The following RERG variants were observed in gnomAD, a reference collection of about 807,000 sequenced individuals.
RERG encodes RAS like estrogen regulated growth inhibitor, also known as ras-related and estrogen-regulated growth inhibitor.
A neutral mutation model predicts 23.2 loss-of-function variants in RERG; 25 were observed. The observed-to-expected ratio is 1.08, with a 90% CI of 0.79 to 1.50. RERG has a LOEUF of 1.50. Among genes scored for constraint, RERG ranks in the 40% most tolerant of loss-of-function variants. The pLI is 0.00. For missense variants in RERG, 253 were observed against 250.1 expected (o/e 1.01, Z -0.08); for synonymous variants, 81 against 89.1 (o/e 0.91, Z 0.51).
intron 2 of RERG, among the ~76,000 whole-genome samples, chr12:15,206,742 C>T (rs994397006): frequency 7.9e-5 from 12 of 152,072 alleles, no homozygotes; most frequent in African/African-American, 2.9e-4. Flanking sequence ...AGCAGCAGTG[C>T]TAAATCACAT....
chr12:15,218,196 G>C (rs903160115), intron 1 of RERG: 2 of 152,206 alleles, frequency 1.3e-5, no homozygotes, highest in Admixed American at 1.3e-4. Flanking sequence ...TATTTTGCTG[G>C]ACACAATGCC....
At chr12:15,110,686 G>C (rs1002701143) in intron 4 of RERG, among the ~76,000 whole-genome samples, 1 of 151,774 alleles carries the variant, frequency 6.6e-6, no homozygotes, top group African/African-American at 2.4e-5. Flanking sequence ...CACCATGTTA[G>C]CCAGGATGGT....
At chr12:15,187,970 G>A (rs1417633027) in intron 2 of RERG, among the ~76,000 whole-genome samples, 1 of 152,068 alleles carries the variant, frequency 6.6e-6, no homozygotes, top group Non-Finnish European at 1.5e-5. Context: ...AACATAGGAG[G>A]ACATGGAGAA....
At position 15,161,224 on chromosome 12, in the gene RERG, A is replaced by AAGAAAGAG. The variant is rs1262615056; in HGVS notation, c.62-40106_62-40105insCTCTTTCT. ...AAAGAAAGAAAGAAAGAAAGAAAGA[A>AAGAAAGAG]AGAAACAGGGGCATCACTTAGTGTT... On this transcript the variant is annotated intron_variant, in intron 2 of 4. Transcript: ENST00000256953. Among the ~76,000 whole-genome samples the AAGAAAGAG allele has an allele frequency of 3.2e-5, 4 of 123,124 alleles. 1 individual carries two copies. The South Asian group carries it at 7.7e-4, about 24-fold the overall frequency. 80.8% of individuals were successfully genotyped at this position (123,124 alleles called of 152,430 possible).
intron 2 of RERG, among the ~76,000 whole-genome samples, chr12:15,173,946 A>G (rs1864810999): frequency 1.3e-5 from 2 of 151,960 alleles, no homozygotes; most frequent in Admixed American, 6.6e-5. Context: ...GATACCTTTT[A>G]TTTAAAAATA....
At chr12:15,124,227 G>A (rs1417425745) in intron 2 of RERG, among the ~76,000 whole-genome samples, 5 of 152,022 alleles carry the variant, frequency 3.3e-5, no homozygotes, top group Non-Finnish European at 4.4e-5. Context: ...AAATAGTCAC[G>A]TTATTTCTAA....
intron 2 of RERG, among the ~76,000 whole-genome samples, chr12:15,191,895 C>A (rs12370068): frequency 1.3e-5 from 2 of 152,068 alleles, no homozygotes; most frequent in Non-Finnish European, 2.9e-5. Flanking sequence ...GACTTGTTAG[C>A]CACAAATCCC....
chr12:15,116,491 C>A (rs1462351535), intron 3 of RERG, among the ~76,000 whole-genome samples: 3 of 152,118 alleles, frequency 2.0e-5, no homozygotes, highest in African/African-American at 7.2e-5. Flanking sequence ...TTGTGTGATT[C>A]TTTGGCTATT....
chr12:15,190,680 G>A (rs899829255), intron 2 of RERG, among the ~76,000 whole-genome samples: 1 of 152,016 alleles, frequency 6.6e-6, no homozygotes, highest in Non-Finnish European at 1.5e-5. Flanking sequence ...CCTGATAATG[G>A]ACGGAGCCAA....
Position 15,130,705 on chromosome 12 carries a change from T to A in RERG, c.62-9586A>T, listed in dbSNP as rs150793747. Among the ~76,000 whole-genome samples, 1,047 of 152,302 alleles carry A rather than the reference T, an allele frequency of 6.9e-3. 5 individuals are homozygous for A. Among genetic ancestry groups the A allele is most frequent in the Non-Finnish European group, 0.012 (820 of 68,018 alleles). On this transcript the variant is annotated intron_variant, in intron 2 of 4. Transcript: ENST00000256953. ...TTAGTTCCAGATGGGGGTCTAGGGA[T>A]TGCTTTTAAATTACTGTGTTTGCTT...
At chr12:15,164,845 A>G (rs1864664350) in intron 2 of RERG, among the ~76,000 whole-genome samples, 1 of 152,236 alleles carries the variant, frequency 6.6e-6, no homozygotes, top group Non-Finnish European at 1.5e-5. Flanking sequence ...TTCCTTTGGA[A>G]AATTGACCTT....
chr12:15,133,037 G>GGA (rs1864078093), intron 2 of RERG, among the ~76,000 whole-genome samples: 1 of 134,190 alleles, frequency 7.5e-6, no homozygotes, highest in African/African-American at 2.9e-5. Context: ...CACTAGTGTG[G>GGA]TAACTTTTTT....
intron 2 of RERG, among the ~76,000 whole-genome samples, chr12:15,160,481 G>C (rs571843755): frequency 2.6e-5 from 4 of 152,182 alleles, no homozygotes; most frequent in African/African-American, 9.6e-5. Context: ...CACCGCAAAA[G>C]GTATGCAGAA....
intron 2 of RERG, among the ~76,000 whole-genome samples, chr12:15,210,124 T>G (rs1865346863): frequency 6.6e-6 from 1 of 152,212 alleles, no homozygotes; most frequent in Admixed American, 6.5e-5. Context: ...TCAAGGCCAG[T>G]ACCACCTTGA....
At chr12:15,217,389 C>T in intron 2 of RERG, 40 bp downstream of exon 2, 1 of 1,274,356 alleles carries the variant, frequency 7.8e-7, no homozygotes, top group Non-Finnish European at 1.1e-6. Flanking sequence ...ACACACTCAC[C>T]CACACACACA....
At chr12:15,183,540 G>A (rs947968015) in intron 2 of RERG, among the ~76,000 whole-genome samples, 6 of 151,918 alleles carry the variant, frequency 3.9e-5, no homozygotes, top group African/African-American at 9.7e-5. Flanking sequence ...GTATTCAATC[G>A]AAGTTTCTAG....
intron 2 of RERG, among the ~76,000 whole-genome samples, chr12:15,156,468 TATG>T (rs1290728960): frequency 6.6e-6 from 1 of 152,236 alleles, no homozygotes; most frequent in Non-Finnish European, 1.5e-5. Flanking sequence ...CATGCAATTG[TATG>T]ATAATTACCA....
At chr12:15,123,048 C>T (rs1290101886) in intron 2 of RERG, among the ~76,000 whole-genome samples, 1 of 152,094 alleles carries the variant, frequency 6.6e-6, no homozygotes, top group East Asian at 1.9e-4. Context: ...CTGCCCACCT[C>T]GGCCTCCCAA....
chr12:15,164,975 T>G (rs1203149292), intron 2 of RERG, among the ~76,000 whole-genome samples: 1 of 152,228 alleles, frequency 6.6e-6, no homozygotes, highest in African/African-American at 2.4e-5. Flanking sequence ...ATAATCCTCT[T>G]GGCACTAAAG....
Sources: gnomAD v4.1 joint callset for allele counts (sites outside exome capture counted in the v4.1 genomes callset) on GRCh38, gnomAD v4.1.1 for gene constraint, MANE v1.5 for transcripts, NCBI Gene and HGNC (gene_info 2026-07-23, HGNC 2026-07-21) for gene names.